The following TBPL2 variants were observed in gnomAD, a reference collection of about 807,000 sequenced individuals.
TBPL2 encodes TATA-box binding protein like 2, also known as TATA box-binding protein-like 2.
In TBPL2, 40 loss-of-function variants were observed where a neutral mutation model predicts 38.2. The observed-to-expected ratio is 1.05, with a 90% CI of 0.81 to 1.36. TBPL2 has a LOEUF of 1.36. TBPL2 is among the 40% of genes most tolerant of loss of function. The pLI is 0.00. For missense variants in TBPL2, 461 were observed against 456.7 expected (o/e 1.01, Z -0.09); for synonymous variants, 169 against 171.7 (o/e 0.98, Z 0.12).
chr14:55,434,603 A>G (rs1959443), intron 3 of TBPL2, among the ~76,000 whole-genome samples: 13,899 of 152,152 alleles, frequency 0.091, 683 homozygotes, highest in African/African-American at 0.13. Context: ...GTGGACAATA[A>G]AAGTTGCCTA....
In TBPL2 at chr14:55,440,276, G is replaced by A. The variant is rs1594795939; in HGVS notation, c.150+120C>T. 1.7e-5 allele frequency: 22 copies of A among 1,283,832 alleles called. No homozygotes were observed. The South Asian group carries it at 2.9e-4, about 17-fold the overall frequency. The allele number at this position is 1,283,832 out of a possible 1,614,324, so 79.5% of individuals were successfully genotyped here. A position where few individuals can be genotyped will look rare whatever the true frequency, so the allele number is the denominator to read the frequency against. On this transcript the variant is annotated intron_variant, in intron 1 of 6. Coordinates refer to ENST00000247219, the Ensembl canonical transcript of TBPL2. Reference sequence around the variant, plus strand: ...CTTCTAACCTTCAACTTAATGACTTGGGAAACCAAGCCCGCCTCTTATGGT... The same window carrying A: ...CTTCTAACCTTCAACTTAATGACTTAGGAAACCAAGCCCGCCTCTTATGGT...
intron 4 of TBPL2, among the ~76,000 whole-genome samples, chr14:55,430,552 C>T (rs1373595617): frequency 6.6e-6 from 1 of 152,056 alleles, no homozygotes; most frequent in African/African-American, 2.4e-5. Flanking sequence ...CAGGGGCATG[C>T]ACCACCACAC....
At chr14:55,425,619 T>A (rs1208732651) in intron 5 of TBPL2, among the ~76,000 whole-genome samples, 1 of 152,144 alleles carries the variant, frequency 6.6e-6, no homozygotes, top group Non-Finnish European at 1.5e-5. Flanking sequence ...TTCACAAAGA[T>A]TGAGAATATC....
At chr14:55,433,436 A>C (rs1349330621) in intron 4 of TBPL2, among the ~76,000 whole-genome samples, 194 bp downstream of exon 4, 1 of 150,608 alleles carries the variant, frequency 6.6e-6, no homozygotes, top group East Asian at 1.9e-4. Flanking sequence ...TACAGATGTG[A>C]GCCACCATGC....
At position 55,415,045 on chromosome 14, in the gene TBPL2, G is replaced by A. The variant is rs190432286; in HGVS notation, c.1052-590C>T. ...GTAGGAATTACAGGGATAAAAACAT[G>A]AATCAAACAGTCTCCACCATTGAGA... On this transcript the variant is annotated intron_variant, in intron 6 of 6. Coordinates refer to ENST00000247219, the Ensembl canonical transcript of TBPL2. Among the ~76,000 whole-genome samples the A allele has an allele frequency of 4.8e-4, 73 of 152,288 alleles. 1 individual carries two copies. In the Middle Eastern group the frequency reaches 0.014, roughly 28 times the overall value.
At chr14:55,433,933 T>G (rs1566594657) in intron 3 of TBPL2, among the ~76,000 whole-genome samples, 1 of 152,206 alleles carries the variant, frequency 6.6e-6, no homozygotes, top group Non-Finnish European at 1.5e-5. Context: ...ACTCTTAAAT[T>G]TGAATGCCTG....
chr14:55,419,575 T>C (rs1885713653), intron 6 of TBPL2, among the ~76,000 whole-genome samples: 1 of 152,198 alleles, frequency 6.6e-6, no homozygotes, highest in Non-Finnish European at 1.5e-5. Flanking sequence ...TGCTTTCTGC[T>C]CAGGACCATG....
At chr14:55,418,494 CAAGTTA>C (rs1311208315) in intron 6 of TBPL2, among the ~76,000 whole-genome samples, 1 of 152,150 alleles carries the variant, frequency 6.6e-6, no homozygotes. Context: ...TTGCACCGCT[CAAGTTA>C]TTCATTTTAT....
intron 2 of TBPL2, among the ~76,000 whole-genome samples, chr14:55,436,267 C>T (rs916361068): frequency 1.1e-4 from 16 of 152,054 alleles, no homozygotes; most frequent in Admixed American, 7.2e-4. Context: ...TTTATCCAAC[C>T]CTACCCACAA....
chr14:55,435,977 G>C (rs773345157), intron 2 of TBPL2, 43 bp from the exon 3 acceptor site: 2 of 1,084,982 alleles, frequency 1.8e-6, no homozygotes, highest in South Asian at 3.1e-5. Context: ...CAGATATAAA[G>C]AGTAAAAAAA....
exon 2 of TBPL2, chr14:55,436,704 A>T (rs1187754659): frequency 6.2e-7 from 1 of 1,614,172 alleles, no homozygotes. Context: ...GCAGCTGTGA[A>T]TGGGAATTTG....
In TBPL2 at chr14:55,415,404, G is replaced by A. The variant is rs150400072; in HGVS notation, c.1052-949C>T. ...AGCTACTGTGGAAACTAGTTCGGTG[G>A]TTAAGTTAAAGAATTACTACATGAC... On this transcript the variant is annotated intron_variant, in intron 6 of 6. Coordinates refer to ENST00000247219, the Ensembl canonical transcript of TBPL2. Among the ~76,000 whole-genome samples, 594 of 152,298 alleles carry A rather than the reference G, an allele frequency of 3.9e-3. 8 individuals are homozygous for A. Among genetic ancestry groups the A allele is most frequent in the African/African-American group, 0.014 (566 of 41,562 alleles).
chr14:55,425,147 G>C (rs1566591833), intron 5 of TBPL2, among the ~76,000 whole-genome samples: 5 of 152,218 alleles, frequency 3.3e-5, no homozygotes. Flanking sequence ...ACTGGCTCCA[G>C]AAAGGCGCAT....
At chr14:55,437,600 C>T (rs1053253972) in intron 1 of TBPL2, among the ~76,000 whole-genome samples, 2 of 152,220 alleles carry the variant, frequency 1.3e-5, no homozygotes, top group African/African-American at 4.8e-5. Flanking sequence ...AGTAAGTTGC[C>T]ACTCTCTAAG....
At chr14:55,439,836 T>C (rs1345682517) in intron 1 of TBPL2, among the ~76,000 whole-genome samples, 15 of 144,218 alleles carry the variant, frequency 1.0e-4, no homozygotes, top group African/African-American at 3.6e-4. Context: ...GAGGCTGAGG[T>C]AGGAGAATGG....
chr14:55,436,872 A>C, exon 2 of TBPL2: 1 of 1,614,214 alleles, frequency 6.2e-7, no homozygotes, highest in Non-Finnish European at 8.5e-7. Flanking sequence ...GTAGGAAGCT[A>C]AGATCCACAG....
At chr14:55,423,647 AAC>A (rs1202549718) in intron 6 of TBPL2, among the ~76,000 whole-genome samples, 3 of 152,254 alleles carry the variant, frequency 2.0e-5, no homozygotes, top group African/African-American at 7.2e-5. Context: ...AATATTACAT[AAC>A]ACACATAAAT....
At chr14:55,434,378 C>G (rs768604152) in intron 3 of TBPL2, among the ~76,000 whole-genome samples, 1 of 152,122 alleles carries the variant, frequency 6.6e-6, no homozygotes, top group Admixed American at 6.5e-5. Context: ...GCCACATGGA[C>G]GTGTCATCAA....
chr14:55,420,797 C>T (rs1475164308), intron 6 of TBPL2, among the ~76,000 whole-genome samples: 1 of 152,080 alleles, frequency 6.6e-6, no homozygotes, highest in Non-Finnish European at 1.5e-5. Context: ...CGGTGGCTCA[C>T]TCCTGTAATC....
Sources: gnomAD v4.1 joint callset for allele counts (sites outside exome capture counted in the v4.1 genomes callset) on GRCh38, gnomAD v4.1.1 for gene constraint, MANE v1.5 for transcripts, NCBI Gene and HGNC (gene_info 2026-07-23, HGNC 2026-07-21) for gene names.